The following SNTG2 variants were observed in gnomAD, a reference collection of about 807,000 sequenced individuals.
The protein encoded by SNTG2 is gamma-2-syntrophin.
Under a neutral mutation model 70.9 loss-of-function variants are expected in SNTG2, and 74 were observed. The observed-to-expected ratio is 1.04, with a 90% CI of 0.86 to 1.27. The LOEUF is 1.27. Ranked by LOEUF, SNTG2 falls within the 50% of genes most tolerant of loss-of-function variation. SNTG2 has a pLI of 0.00. For synonymous variants in SNTG2, 278 were observed against 273.8 expected, an observed-to-expected ratio of 1.02 and a Z score of -0.15; for missense variants, 717 against 690.7, an observed-to-expected ratio of 1.04 and a Z score of -0.43.
chr2:1,290,634 A>G (rs1379853012), intron 14 of SNTG2, among the ~76,000 whole-genome samples: 1 of 152,138 alleles, frequency 6.6e-6, no homozygotes, highest in Non-Finnish European at 1.5e-5. Flanking sequence ...GCACACCTTT[A>G]AACAACCAGA....
chr2:1,019,121 A>G (rs2148007090), intron 1 of SNTG2, among the ~76,000 whole-genome samples: 1 of 152,240 alleles, frequency 6.6e-6, no homozygotes, highest in East Asian at 1.9e-4. Context: ...AGGCATTCTG[A>G]GCTGGGCTGC....
intron 14 of SNTG2, among the ~76,000 whole-genome samples, chr2:1,301,464 G>A (rs745809550): frequency 1.2e-4 from 18 of 152,208 alleles, no homozygotes; most frequent in Middle Eastern, 3.4e-3. Flanking sequence ...GGCTAGAGAC[G>A]TAAACCTACA....
At chr2:1,029,606 C>T (rs1229053317) in intron 1 of SNTG2, among the ~76,000 whole-genome samples, 1 of 152,218 alleles carries the variant, frequency 6.6e-6, no homozygotes, top group Non-Finnish European at 1.5e-5. Flanking sequence ...GCGTTACACC[C>T]TGAGACCATG....
intron 9 of SNTG2, among the ~76,000 whole-genome samples, chr2:1,213,681 A>G (rs867447013): frequency 5.9e-5 from 9 of 152,292 alleles, no homozygotes; most frequent in Non-Finnish European, 8.8e-5. Flanking sequence ...GGACACAGCA[A>G]TTAACCTTAC....
intron 8 of SNTG2, among the ~76,000 whole-genome samples, chr2:1,203,483 C>A (rs865905670): frequency 6.6e-6 from 1 of 151,258 alleles, no homozygotes; most frequent in Admixed American, 6.6e-5. Flanking sequence ...CATCATGAAA[C>A]CCCATCTCTA....
intron 6 of SNTG2, among the ~76,000 whole-genome samples, chr2:1,153,579 G>A (rs909160365): frequency 4.6e-5 from 7 of 152,138 alleles, no homozygotes; most frequent in East Asian, 3.8e-4. Context: ...AAAGCCTCAC[G>A]GAAAAGCTTA....
chr2:1,269,190 C>T (rs146035536), intron 14 of SNTG2, among the ~76,000 whole-genome samples: 14 of 151,862 alleles, frequency 9.2e-5, no homozygotes, highest in African/African-American at 2.9e-4. Flanking sequence ...CCTTATGTTT[C>T]GTACTGTCCT....
At chr2:952,425 C>T (rs769226151) in intron 1 of SNTG2, among the ~76,000 whole-genome samples, 3 of 152,218 alleles carry the variant, frequency 2.0e-5, no homozygotes, top group Non-Finnish European at 4.4e-5. Context: ...ATTCATCATA[C>T]TTCATGATTG....
intron 1 of SNTG2, among the ~76,000 whole-genome samples, chr2:974,470 T>A (rs1660847357): frequency 6.6e-6 from 1 of 152,166 alleles, no homozygotes; most frequent in African/African-American, 2.4e-5. Flanking sequence ...GGGGTGAGCG[T>A]TAGGGCATCA....
chr2:1,194,350 C>T (rs1672776077), intron 8 of SNTG2, among the ~76,000 whole-genome samples: 1 of 152,180 alleles, frequency 6.6e-6, no homozygotes, highest in Non-Finnish European at 1.5e-5. Context: ...GCAATGTCCT[C>T]AGGCAGTTTC....
At chr2:1,152,202 T>A (rs972172806) in intron 6 of SNTG2, among the ~76,000 whole-genome samples, 3 of 152,196 alleles carry the variant, frequency 2.0e-5, no homozygotes, top group Non-Finnish European at 2.9e-5. Flanking sequence ...TGTGTGAAGA[T>A]GTAGGGTAGA....
At position 1,222,308 on chromosome 2, in the gene SNTG2, A is replaced by G. The variant is rs60443627; in HGVS notation, c.719+13078A>G. Among the ~76,000 whole-genome samples, 110 of 152,356 alleles carry G rather than the reference A, an allele frequency of 7.2e-4. 1 individual carries two copies. The East Asian group carries it at 0.021, about 29-fold the overall frequency. ...GATGCTGCAAAGTCTCCGCTTTTGGACATTAAGATCTTTTCTTCGTATCCA... is the reference window on the plus strand; with the variant it reads ...GATGCTGCAAAGTCTCCGCTTTTGGGCATTAAGATCTTTTCTTCGTATCCA... On this transcript the variant is annotated intron_variant, in intron 9 of 16. Coordinates refer to ENST00000308624, the MANE Select transcript of SNTG2 (RefSeq NM_018968.4).
chr2:970,138 A>C (rs2147955010), intron 1 of SNTG2, among the ~76,000 whole-genome samples: 1 of 152,276 alleles, frequency 6.6e-6, no homozygotes, highest in East Asian at 1.9e-4. Flanking sequence ...TTTGGTTTTT[A>C]GTTACATTTA....
intron 8 of SNTG2, among the ~76,000 whole-genome samples, chr2:1,192,005 G>T (rs1242776857): frequency 6.6e-6 from 1 of 152,086 alleles, no homozygotes; most frequent in Non-Finnish European, 1.5e-5. Flanking sequence ...AATTGGAAAG[G>T]GGTTGCTTGG....
At chr2:1,348,665 T>G (rs567460884) in intron 16 of SNTG2, among the ~76,000 whole-genome samples, 108 of 152,330 alleles carry the variant, frequency 7.1e-4, no homozygotes, top group Non-Finnish European at 8.8e-4. Flanking sequence ...CTTCCTAAAG[T>G]GTATAAAATC....
chr2:1,065,002 C>G lies in SNTG2; in HGVS notation c.73-18516C>G, dbSNP rs1472442874. On this transcript the variant is annotated intron_variant, in intron 1 of 16. Coordinates refer to ENST00000308624, the MANE Select transcript of SNTG2 (RefSeq NM_018968.4). ...ACAACATTGTGGAGCAATTTCATAT[C>G]AGACGCGGTGGATTGTGGGAAGGAG... Among the ~76,000 whole-genome samples the G allele has an allele frequency of 2.6e-5, 4 of 152,180 alleles. No individual in the cohort carries two copies. In the East Asian group the frequency reaches 7.7e-4, roughly 29 times the overall value.
At chr2:1,211,075 G>C (rs1674008533) in intron 9 of SNTG2, among the ~76,000 whole-genome samples, 1 of 152,220 alleles carries the variant, frequency 6.6e-6, no homozygotes, top group African/African-American at 2.4e-5. Context: ...ATAGATTACA[G>C]AGATACAGAT....
chr2:1,338,406 A>G (rs868203752), intron 16 of SNTG2, among the ~76,000 whole-genome samples: 1 of 152,084 alleles, frequency 6.6e-6, no homozygotes, highest in African/African-American at 2.4e-5. Flanking sequence ...AGACCTTTGC[A>G]TCCATGGTTA....
At chr2:1,070,846 A>G (rs1401551747) in intron 1 of SNTG2, among the ~76,000 whole-genome samples, 4 of 152,014 alleles carry the variant, frequency 2.6e-5, no homozygotes, top group Non-Finnish European at 4.4e-5. Context: ...TGGAGTCTGT[A>G]GTGACTGTAT....
Sources: allele counts gnomAD v4.1 joint callset (sites outside exome capture counted in the v4.1 genomes callset), GRCh38; gene constraint gnomAD v4.1.1; transcripts MANE v1.5; gene names NCBI Gene and HGNC (gene_info 2026-07-23, HGNC 2026-07-21).